The following SOX6 variants were observed in gnomAD, a reference collection of about 807,000 sequenced individuals.
SOX6 encodes transcription factor SOX-6.
A neutral mutation model predicts 97.8 loss-of-function variants in SOX6; 11 were observed. That is an observed-to-expected ratio of 0.11 (90% CI 0.07 to 0.19). The LOEUF is 0.19. Ranked by LOEUF, SOX6 falls within the 10% of genes least tolerant of loss-of-function variation. SOX6 has a pLI of 1.00. For missense variants in SOX6, 810 were observed against 1,039.5 expected, an observed-to-expected ratio of 0.78 and a Z score of 3.04; for synonymous variants, 360 against 371.4, an observed-to-expected ratio of 0.97 and a Z score of 0.35.
chr11:16,097,920 T>G (rs1040477070), intron 7 of SOX6, among the ~76,000 whole-genome samples: 14 of 151,792 alleles, frequency 9.2e-5, no homozygotes, highest in African/African-American at 3.4e-4. Context: ...TTAAAAAAAC[T>G]TAAATGTGCA....
chr11:16,674,240 C>A (rs529205456), intron 3 of SOX6, among the ~76,000 whole-genome samples: 42 of 146,890 alleles, frequency 2.9e-4, no homozygotes, highest in African/African-American at 8.8e-4. Context: ...GGATTTACCA[C>A]GAGGATGCAA....
intron 1 of SOX6, among the ~76,000 whole-genome samples, chr11:16,401,809 G>T (rs1398089576): frequency 6.6e-6 from 1 of 151,458 alleles, no homozygotes; most frequent in Non-Finnish European, 1.5e-5. Flanking sequence ...GATTAAAAGA[G>T]AATTTGAAAA....
intron 2 of SOX6, among the ~76,000 whole-genome samples, chr11:16,728,949 C>A (rs1848328505): frequency 6.6e-6 from 1 of 151,972 alleles, no homozygotes; most frequent in East Asian, 1.9e-4. Flanking sequence ...AGTATCAATG[C>A]CCAAACTGAC....
chr11:16,130,301 G>T (rs1251804227), intron 6 of SOX6, among the ~76,000 whole-genome samples: 1 of 151,906 alleles, frequency 6.6e-6, no homozygotes, highest in East Asian at 1.9e-4. Context: ...AGTTAATATT[G>T]TATTGTACAC....
chr11:16,495,383 A>AT (rs1860577271), intron 4 of SOX6, among the ~76,000 whole-genome samples: 1 of 152,164 alleles, frequency 6.6e-6, no homozygotes, highest in South Asian at 2.1e-4. Context: ...ATGTACCACC[A>AT]AGGGGGACTT....
chr11:16,193,741 T>C (rs1440760364), intron 4 of SOX6, among the ~76,000 whole-genome samples: 4 of 152,160 alleles, frequency 2.6e-5, no homozygotes, highest in Non-Finnish European at 5.9e-5. Context: ...TCCAGAAAGA[T>C]TGTAAATTAA....
chr11:16,121,364 C>T (rs1212617739), intron 6 of SOX6, among the ~76,000 whole-genome samples: 2 of 152,006 alleles, frequency 1.3e-5, no homozygotes, highest in African/African-American at 4.8e-5. Context: ...GAGAAACATG[C>T]TACTCCAAAA....
intron 1 of SOX6, among the ~76,000 whole-genome samples, chr11:16,395,417 C>T (rs1392575496): frequency 6.6e-6 from 1 of 151,774 alleles, no homozygotes; most frequent in East Asian, 1.9e-4. Flanking sequence ...GAATAGGAAT[C>T]ACTCTGATGA....
intron 4 of SOX6, among the ~76,000 whole-genome samples, chr11:16,581,960 CA>C (rs35137027): frequency 0.45 from 47,662 of 106,220 alleles, 8,125 homozygotes; most frequent in Middle Eastern, 0.56. Flanking sequence ...GACTCCATCT[CA>C]AAAAAAAAAA....
chr11:16,132,452 G>GA (rs1183525323), intron 6 of SOX6, among the ~76,000 whole-genome samples: 1 of 104,934 alleles, frequency 9.5e-6, no homozygotes, highest in Admixed American at 9.6e-5. Flanking sequence ...AAAAAAGAAA[G>GA]AAAGAAAGAA....
At chr11:16,185,208 T>C (rs1429669200) in intron 5 of SOX6, among the ~76,000 whole-genome samples, 2 of 152,122 alleles carry the variant, frequency 1.3e-5, no homozygotes, top group Non-Finnish European at 2.9e-5. Context: ...TAGACTACAG[T>C]GTGAGAAATG....
chr11:16,374,472 C>A (rs1392148849), intron 1 of SOX6, among the ~76,000 whole-genome samples: 3 of 151,982 alleles, frequency 2.0e-5, no homozygotes, highest in Non-Finnish European at 4.4e-5. Context: ...TAAAAATTAA[C>A]TTCTACATTT....
At chr11:16,323,046 T>C (rs1220868570) in intron 2 of SOX6, among the ~76,000 whole-genome samples, 1 of 152,128 alleles carries the variant, frequency 6.6e-6, no homozygotes, top group Non-Finnish European at 1.5e-5. Context: ...ACTATAAATT[T>C]CTTTTCTTTC....
At chr11:16,370,330 A>T (rs1366487947) in intron 1 of SOX6, among the ~76,000 whole-genome samples, 1 of 152,154 alleles carries the variant, frequency 6.6e-6, no homozygotes, top group African/African-American at 2.4e-5. Context: ...GTATTTGAAC[A>T]ACTTATCATG....
rs188469058 is a variant in SOX6 at position 16,540,809 on chromosome 11, A to G, written n.610-64421T>C. 8.9e-4 allele frequency among the ~76,000 whole-genome samples: 135 copies of G among 152,328 alleles called. 2 individuals carry two copies. In the East Asian group the frequency reaches 0.018, roughly 21 times the overall value. ...AAGGAGAACTACAAACCACTGCTCAATGAAATAAAAGAGGATACAAACAAA... is the reference window on the plus strand; with the variant it reads ...AAGGAGAACTACAAACCACTGCTCAGTGAAATAAAAGAGGATACAAACAAA... On this transcript the variant is annotated intron_variant and non_coding_transcript_variant, in intron 4 of 5. Transcript: ENST00000524520.
chr11:16,477,469 T>C (rs1333622942), upstream of SOX6, among the ~76,000 whole-genome samples: 1 of 152,146 alleles, frequency 6.6e-6, no homozygotes, highest in African/African-American at 2.4e-5. Context: ...GAATATGAAA[T>C]AAATATCTAA....
chr11:16,000,013 T>C (rs1854356087), intron 13 of SOX6, among the ~76,000 whole-genome samples: 2 of 152,212 alleles, frequency 1.3e-5, no homozygotes, highest in African/African-American at 4.8e-5. Flanking sequence ...TCACCATATT[T>C]ATCCTACCAA....
chr11:16,123,628 T>A (rs1194779295), intron 6 of SOX6, among the ~76,000 whole-genome samples: 2 of 152,052 alleles, frequency 1.3e-5, no homozygotes, highest in Non-Finnish European at 2.9e-5. Flanking sequence ...AGTAATGTCA[T>A]TTTGGAGCAT....
rs138352829 is a variant in SOX6 at position 16,505,117 on chromosome 11, G to A, written n.610-28729C>T. Reference sequence around the variant, plus strand: ...TGGGCAAAGGTTGCAACAGTTTGGAGGGCTCAGAGGAAGGTAGAAAGATGA... The same window carrying A: ...TGGGCAAAGGTTGCAACAGTTTGGAAGGCTCAGAGGAAGGTAGAAAGATGA... On this transcript the variant is annotated intron_variant and non_coding_transcript_variant, in intron 4 of 5. Coordinates refer to the SOX6 transcript ENST00000524520. 5.1e-3 allele frequency among the ~76,000 whole-genome samples: 780 copies of A among 152,324 alleles called. 9 individuals carry two copies. The highest frequency in any genetic ancestry group is 0.018 in the African/African-American group (736 of 41,580).
Sources: gnomAD v4.1 joint callset for allele counts (sites outside exome capture counted in the v4.1 genomes callset) on GRCh38, gnomAD v4.1.1 for gene constraint, MANE v1.5 for transcripts, NCBI Gene and HGNC (gene_info 2026-07-23, HGNC 2026-07-21) for gene names.